Variants in GPR17 observed in about 807,000 individuals in gnomAD.
GPR17 encodes uracil nucleotide/cysteinyl leukotriene receptor.
In GPR17, 4 loss-of-function variants were observed where a neutral mutation model predicts 1.5. The ratio of observed to expected loss-of-function variants is 2.73; its 90% CI spans 1.35 to 6.25. GPR17 has a LOEUF of 6.25. Ranked by LOEUF, GPR17 falls within the 30% of genes most tolerant of loss-of-function variation. The pLI, the probability that GPR17 is intolerant of heterozygous loss-of-function variation, is 0.00. For synonymous variants in GPR17, 209 were observed against 207.6 expected (o/e 1.01, Z -0.06); for missense variants, 463 against 462.1 (o/e 1.00, Z -0.02).
chr2:127,649,098 G>GAAA (rs376579491), intron 1 of GPR17, among the ~76,000 whole-genome samples: 11 of 125,390 alleles, frequency 8.8e-5, no homozygotes, highest in Non-Finnish European at 1.4e-4. Context: ...AAAGAAAAAA[G>GAAA]AAAAGAAAAA....
At chr2:127,650,309 G>A in intron 1 of GPR17, 1 of 569,180 alleles carries the variant, frequency 1.8e-6, no homozygotes, top group East Asian at 3.0e-5. Context: ...GAGACACACT[G>A]CCCCCGCCCC....
At position 127,648,247 on chromosome 2, in the gene GPR17, G is replaced by A. The variant is rs1683214134; in HGVS notation, c.-21+2003G>A. The A allele has an allele frequency of 5.2e-6, 5 of 969,998 alleles. No individual in the cohort carries two copies. In the South Asian group the frequency reaches 2.4e-4, roughly 46 times the overall value. The allele number at this position is 969,998 out of a possible 1,614,324, so 60.1% of individuals were successfully genotyped here. Reference sequence around the variant, plus strand: ...ACCATCTCTGGTGTTAGAACTTCAGGCATCTTGAAACACTCTGAAGCCGGG... The same window carrying A: ...ACCATCTCTGGTGTTAGAACTTCAGACATCTTGAAACACTCTGAAGCCGGG... On this transcript the variant is annotated intron_variant, in intron 1 of 1. Coordinates refer to ENST00000486700, the MANE Select transcript of GPR17 (RefSeq NM_001161417.2).
Position 127,650,845 on chromosome 2 carries a change from T to C in GPR17, c.110T>C (p.Phe37Ser), listed in dbSNP as rs938956167. 5.0e-6 allele frequency: 8 copies of C among 1,614,010 alleles called. No individual in the cohort carries two copies. Among genetic ancestry groups the C allele is most frequent in the Non-Finnish European group, 5.9e-6 (7 of 1,180,030 alleles). The change falls in exon 2 of 2, where the codon TTC becomes TCC. Residue 37 changes from phenylalanine (F) to serine (S), a missense_variant. By Grantham distance (155) the Phe-to-Ser change is radical. Transcript: ENST00000486700. ...CTGGAGAACATGCTGTTCGCCTCCT[T>C]CTACCTTCTGGATTTTATCCTGGCT... Reference protein sequence around the residue: ...TPLENMLFASFYLLDFILALV... With the variant: ...TPLENMLFASSYLLDFILALV...
At chr2:127,648,242 T>C in intron 1 of GPR17, 4 of 975,762 alleles carry the variant, frequency 4.1e-6, no homozygotes, top group Non-Finnish European at 4.9e-6. Context: ...GTGTTAGAAC[T>C]TCAGGCATCT....
intron 1 of GPR17, chr2:127,648,251 C>A (rs564642404): frequency 1.0e-6 from 1 of 956,260 alleles, no homozygotes; most frequent in African/African-American, 1.8e-5. Flanking sequence ...CTTCAGGCAT[C>A]TTGAAACACT....
In GPR17 at chr2:127,647,665, C is replaced by G. The variant is rs1162246962; in HGVS notation, c.-21+1421C>G. 6.6e-6 allele frequency among the ~76,000 whole-genome samples: 1 copy of G among 152,152 alleles called. No individual in the cohort carries two copies. Among genetic ancestry groups the G allele is most frequent in the South Asian group, 2.1e-4 (1 of 4,816 alleles). ...CACTCACTGGGCCCCCTCTCCTCTTCCAGTCTCCAGGGCCTCCCCGCACAC... is the reference window on the plus strand; with the variant it reads ...CACTCACTGGGCCCCCTCTCCTCTTGCAGTCTCCAGGGCCTCCCCGCACAC... On this transcript the variant is annotated intron_variant, in intron 1 of 1. Coordinates refer to ENST00000486700, the MANE Select transcript of GPR17 (RefSeq NM_001161417.2). The surrounding 1 kb of genome is among the most constrained non-coding windows in gnomAD (Gnocchi z 4.3).
At position 127,651,239 on chromosome 2, in the gene GPR17, G is replaced by A. The variant is rs780800290; in HGVS notation, c.504G>A (p.Val168=). ...VVAVAMAPLL[V]SPQTVQTNHT... ...CTGTGGCCATGGCCCCGCTGCTGGT[G>A]AGCCCACAGACCGTGCAGACCAACC... Residue 168 remains valine (V), a synonymous_variant, in exon 2 of 2, where the codon GTG becomes GTA. Coordinates refer to ENST00000486700, the MANE Select transcript of GPR17 (RefSeq NM_001161417.2). 2 of 1,607,078 alleles carry A rather than the reference G, an allele frequency of 1.2e-6. No homozygotes were observed. The highest frequency in any genetic ancestry group is 1.7e-4 in the Middle Eastern group (1 of 6,056).
In GPR17 at chr2:127,651,285, C is replaced by T. The variant is rs1317461721; in HGVS notation, c.550C>T (p.Leu184=). The part of the protein sequence containing the change: ...QTNHTVVCLQ[L]YREKASHHAL... ...CAACCACACGGTGGTCTGCCTGCAG[C>T]TGTACCGGGAGAAGGCCTCCCACCA... is the stretch of plus-strand genomic sequence containing the variant. Residue 184 remains leucine, a synonymous_variant, in exon 2 of 2, where the codon CTG becomes TTG. Coordinates refer to ENST00000486700, the MANE Select transcript of GPR17 (RefSeq NM_001161417.2). 6.2e-7 allele frequency: 1 copy of T among 1,607,472 alleles called. No homozygotes were observed. Among genetic ancestry groups the T allele is most frequent in the Non-Finnish European group, 8.5e-7 (1 of 1,179,810 alleles).
chr2:127,650,076 G>A (rs1210843743), intron 1 of GPR17: 2 of 1,603,486 alleles, frequency 1.2e-6, no homozygotes, highest in Admixed American at 1.7e-5. Flanking sequence ...AAACTCTCAG[G>A]TGGGTAAAAA....
In GPR17 at chr2:127,651,835, C is replaced by T; in HGVS notation, c.*80C>T. On this transcript the variant is annotated 3_prime_UTR_variant, in exon 2 of 2. Transcript: ENST00000486700. Reference sequence around the variant, plus strand: ...CAAGAGGCATCTGCCCTTTCCCCAGCCACCTCCCCAGCAAGCAACCTGAAA... The same window carrying T: ...CAAGAGGCATCTGCCCTTTCCCCAGTCACCTCCCCAGCAAGCAACCTGAAA... 3.0e-6 allele frequency: 4 copies of T among 1,345,674 alleles called. No individual in the cohort carries two copies. Among genetic ancestry groups the T allele is most frequent in the East Asian group, 2.3e-5 (1 of 42,870 alleles). 83.4% of individuals were successfully genotyped at this position (1,345,674 alleles called of 1,614,324 possible).
rs1573791135 is a variant in GPR17 at position 127,650,385 on chromosome 2, G to A, written c.-20-331G>A. On this transcript the variant is annotated intron_variant, in intron 1 of 1. Transcript: ENST00000486700. ...AACAGAAAACCCAGAGCCTCACCCA[G>A]GCAAGGCTCACGTCCCATTCCCCGC... 5 of 531,880 alleles carry A rather than the reference G, an allele frequency of 9.4e-6. No individual in the cohort carries two copies. In the East Asian group the frequency reaches 1.3e-4, roughly 14 times the overall value. 32.9% of individuals were successfully genotyped at this position (531,880 alleles called of 1,614,324 possible). A position where few individuals can be genotyped will look rare whatever the true frequency, so the allele number is the denominator to read the frequency against.
chr2:127,651,073 T>A lies in GPR17; in HGVS notation c.338T>A (p.Leu113His), dbSNP rs745461049. ...CGTCTCACCGGCTTCCTCTTCTACC[T>A]CAACATGTACGCCAGCATCTACTTC... ...ACRLTGFLFYLNMYASIYFLT... is the reference protein window; with the variant it reads ...ACRLTGFLFYHNMYASIYFLT... The change falls in exon 2 of 2, where the codon CTC (leucine) becomes CAC (histidine). Residue 113 changes from leucine (L) to histidine (H), a missense_variant. Coordinates refer to ENST00000486700, the MANE Select transcript of GPR17 (RefSeq NM_001161417.2). 1.4e-5 allele frequency: 23 copies of A among 1,613,586 alleles called. No homozygotes were observed. Among genetic ancestry groups the A allele is most frequent in the Non-Finnish European group, 1.9e-5 (23 of 1,180,044 alleles).
intron 1 of GPR17, chr2:127,650,086 A>G (rs1187121119): frequency 6.9e-6 from 11 of 1,599,750 alleles, no homozygotes; most frequent in Non-Finnish European, 9.4e-6. Context: ...GTGGGTAAAA[A>G]GAGTAGACCT....
chr2:127,651,459 G>A lies in GPR17; in HGVS notation c.724G>A (p.Ala242Thr), dbSNP rs1460626907. 6.2e-7 allele frequency: 1 copy of A among 1,612,810 alleles called. No homozygotes were observed. Among genetic ancestry groups the A allele is most frequent in the East Asian group, 2.2e-5 (1 of 44,894 alleles). ...KAVRMIAIVL[A>T]IFLVCFVPYH... The stretch of plus-strand genomic sequence containing the variant: ...AGTGCGCATGATCGCCATAGTGCTG[G>A]CCATCTTCCTGGTCTGCTTCGTGCC... Residue 242 changes from alanine to threonine, a missense_variant, in exon 2 of 2, where the codon GCC becomes ACC. By Grantham distance (58) the Ala-to-Thr change is moderately conservative. Transcript: ENST00000486700.
Position 127,650,217 on chromosome 2 carries a change from G to A in GPR17, c.-20-499G>A. 3 of 726,766 alleles carry A rather than the reference G, an allele frequency of 4.1e-6. No individual in the cohort carries two copies. In the East Asian group the frequency reaches 8.1e-5, roughly 20 times the overall value. 45.0% of individuals were successfully genotyped at this position (726,766 alleles called of 1,614,324 possible). A position where few individuals can be genotyped will look rare whatever the true frequency, so the allele number is the denominator to read the frequency against. On this transcript the variant is annotated intron_variant, in intron 1 of 1. Coordinates refer to ENST00000486700, the MANE Select transcript of GPR17 (RefSeq NM_001161417.2). Reference sequence around the variant, plus strand: ...ACCCCGGCCACTGCACCTGTGGGCAGGTGGGTCAGGGAGGGTCCAGGCACT... The same window carrying A: ...ACCCCGGCCACTGCACCTGTGGGCAAGTGGGTCAGGGAGGGTCCAGGCACT...
intron 1 of GPR17, chr2:127,648,333 G>GT: frequency 2.8e-6 from 1 of 357,066 alleles, no homozygotes; most frequent in Non-Finnish European, 3.9e-6. Flanking sequence ...ATATTATTAG[G>GT]TAGTTGCCCT....
Position 127,651,605 on chromosome 2 carries a change from G to C in GPR17, c.870G>C (p.Gly290=), listed in dbSNP as rs368497998. The change falls in exon 2 of 2, where the codon GGG becomes GGC. Residue 290 remains glycine (G), a synonymous_variant. Transcript: ENST00000486700. ...CCTCCTGCCTCACCAGCCTCAACGGGGCACTCGACCCCATCATGTATTTCT... is the reference window on the plus strand; with the variant it reads ...CCTCCTGCCTCACCAGCCTCAACGGCGCACTCGACCCCATCATGTATTTCT... ...RITSCLTSLN[G]ALDPIMYFFV... is the part of the protein sequence containing the mutation. 6.2e-7 allele frequency: 1 copy of C among 1,613,376 alleles called. No homozygotes were observed. Among genetic ancestry groups the C allele is most frequent in the Non-Finnish European group, 8.5e-7 (1 of 1,180,048 alleles).
At chr2:127,650,431 C>T (rs1395246149) in intron 1 of GPR17, 1 of 546,232 alleles carries the variant, frequency 1.8e-6, no homozygotes, top group Non-Finnish European at 3.2e-6. Context: ...ACCCGGTCCT[C>T]CCAGCTCTGA....
In GPR17 at chr2:127,651,639, G is replaced by A. The variant is rs1261893456; in HGVS notation, c.904G>A (p.Glu302Lys). ...LDPIMYFFVA[E>K]KFRHALCNLL... ...CCCCATCATGTATTTCTTCGTGGCTGAGAAGTTCCGCCACGCCCTGTGCAA... is the reference window on the plus strand; with the variant it reads ...CCCCATCATGTATTTCTTCGTGGCTAAGAAGTTCCGCCACGCCCTGTGCAA... Residue 302 changes from glutamate to lysine, a missense_variant, in exon 2 of 2, where the codon GAG (glutamate) becomes AAG (lysine). Physicochemically the swap from Glu to Lys is moderately conservative, Grantham distance 56. Transcript: ENST00000486700. The A allele has an allele frequency of 1.2e-6, 2 of 1,613,482 alleles. No individual in the cohort carries two copies. Among genetic ancestry groups the A allele is most frequent in the East Asian group, 2.2e-5 (1 of 44,888 alleles).
Sources: allele counts gnomAD v4.1 joint callset (sites outside exome capture counted in the v4.1 genomes callset), GRCh38; gene constraint gnomAD v4.1.1; non-coding constraint Gnocchi (gnomAD v3.1); transcripts MANE v1.5; gene names NCBI Gene and HGNC (gene_info 2026-07-23, HGNC 2026-07-21).